MON2: variants seen among roughly 807,000 people sequenced by gnomAD.
MON2 encodes MON2 regulator of endosome-to-Golgi trafficking, also known as protein MON2 homolog.
A neutral mutation model predicts 208.6 loss-of-function variants in MON2; 84 were observed. The observed-to-expected ratio is 0.40, with a 90% CI of 0.34 to 0.48. MON2 has a LOEUF of 0.48. Among genes scored for constraint, MON2 ranks in the 20% least tolerant of loss-of-function variants. The pLI, the probability that MON2 is intolerant of heterozygous loss-of-function variation, is 0.59. For missense variants in MON2, 1,611 were observed against 2,015.4 expected, an observed-to-expected ratio of 0.80 and a Z score of 3.84; for synonymous variants, 660 against 694.0, an observed-to-expected ratio of 0.95 and a Z score of 0.77.
chr12:62,539,077 C>A (rs1021065850), intron 19 of MON2, among the ~76,000 whole-genome samples: 2 of 152,080 alleles, frequency 1.3e-5, no homozygotes, highest in Non-Finnish European at 2.9e-5. Context: ...TTGGAAAGCA[C>A]AGGAACAGTT....
chr12:62,539,939 A>G (rs893600405), intron 19 of MON2, among the ~76,000 whole-genome samples: 1 of 152,086 alleles, frequency 6.6e-6, no homozygotes, highest in African/African-American at 2.4e-5. Context: ...ACTGCGCTCC[A>G]GCCTGGGCGA....
intron 4 of MON2, among the ~76,000 whole-genome samples, chr12:62,498,586 C>G (rs1378713963): frequency 6.6e-6 from 1 of 152,120 alleles, no homozygotes; most frequent in Non-Finnish European, 1.5e-5. Context: ...AATCACATAG[C>G]TTCTCCAGAT....
At chr12:62,588,993 A>G (rs2075307913) in intron 34 of MON2, 1 of 900,834 alleles carries the variant, frequency 1.1e-6, no homozygotes, top group Non-Finnish European at 1.6e-6. Flanking sequence ...TTGTATTACA[A>G]TTATGCATGT....
chr12:62,487,123 A>G (rs1390528881), intron 2 of MON2, among the ~76,000 whole-genome samples: 1 of 152,132 alleles, frequency 6.6e-6, no homozygotes, highest in Non-Finnish European at 1.5e-5. Flanking sequence ...TATGCCAGGT[A>G]ATGTCAGCAT....
intron 25 of MON2, 27 bp downstream of exon 25, chr12:62,556,219 A>G (rs1205759579): frequency 1.3e-6 from 2 of 1,598,482 alleles, no homozygotes; most frequent in Non-Finnish European, 8.5e-7. Context: ...TTCTGATTAT[A>G]CAAGTAATTA....
At chr12:62,526,449 T>C (rs2072332551) in intron 11 of MON2, among the ~76,000 whole-genome samples, 1 of 151,830 alleles carries the variant, frequency 6.6e-6, no homozygotes, top group African/African-American at 2.4e-5. Flanking sequence ...CAAATTAATC[T>C]TTTTTTCTTT....
chr12:62,541,848 TTAAAA>T (rs1410495611), intron 19 of MON2, among the ~76,000 whole-genome samples: 4 of 152,156 alleles, frequency 2.6e-5, no homozygotes, highest in African/African-American at 9.7e-5. Flanking sequence ...TATATCCTAG[TTAAAA>T]TAAGTAAGAG....
intron 1 of MON2, among the ~76,000 whole-genome samples, chr12:62,474,010 C>A (rs2068933659): frequency 6.6e-6 from 1 of 152,136 alleles, no homozygotes; most frequent in Non-Finnish European, 1.5e-5. Context: ...CTACTTCAGT[C>A]ATTTGCTCTC....
chr12:62,561,635 A>G (rs1274773007), intron 26 of MON2, among the ~76,000 whole-genome samples: 1 of 152,182 alleles, frequency 6.6e-6, no homozygotes, highest in Non-Finnish European at 1.5e-5. Context: ...AAACAGATCT[A>G]AAATTATGGA....
In MON2 at chr12:62,593,020, G is replaced by A. The variant is rs2075443449; in HGVS notation, c.*271G>A. 3.9e-6 allele frequency: 1 copy of A among 259,582 alleles called. No individual in the cohort carries two copies. The highest frequency in any genetic ancestry group is 7.4e-6 in the Non-Finnish European group (1 of 135,450). 16.1% of individuals were successfully genotyped at this position (259,582 alleles called of 1,614,324 possible). ...CAGTATACATGCTACCATATCTCCA[G>A]TTGGTGATTTAAAGTGAGCTTATGT... On this transcript the variant is annotated 3_prime_UTR_variant, in exon 35 of 35. Coordinates refer to ENST00000393630, the MANE Select transcript of MON2 (RefSeq NM_015026.3).
chr12:62,575,117 C>A (rs1176405977), intron 30 of MON2, among the ~76,000 whole-genome samples: 3 of 152,120 alleles, frequency 2.0e-5, no homozygotes, highest in African/African-American at 7.2e-5. Flanking sequence ...CAGAGTGAGA[C>A]CCTGTCTCAA....
intron 7 of MON2, among the ~76,000 whole-genome samples, chr12:62,502,624 T>G (rs2070901482): frequency 6.6e-6 from 1 of 152,210 alleles, no homozygotes; most frequent in African/African-American, 2.4e-5. Flanking sequence ...ACTTGTATAA[T>G]ATTTAAAAGC....
intron 32 of MON2, among the ~76,000 whole-genome samples, chr12:62,582,246 G>A (rs2075031111): frequency 6.6e-6 from 1 of 152,182 alleles, no homozygotes; most frequent in African/African-American, 2.4e-5. Flanking sequence ...TTTACTGGCA[G>A]TTTTCTGATA....
chr12:62,558,004 C>G (rs1170831002), intron 25 of MON2, among the ~76,000 whole-genome samples: 1 of 78,472 alleles, frequency 1.3e-5, no homozygotes, highest in Non-Finnish European at 2.3e-5. Context: ...GATGGAGTCT[C>G]GTTCTTGTTG....
At position 62,575,748 on chromosome 12, in the gene MON2, A is replaced by G. The variant is rs540655703; in HGVS notation, c.4515-2697A>G. Among the ~76,000 whole-genome samples the G allele has an allele frequency of 7.2e-5, 11 of 152,352 alleles. No homozygotes were observed. The South Asian group carries it at 2.1e-3, about 29-fold the overall frequency. On this transcript the variant is annotated intron_variant, in intron 30 of 34. Coordinates refer to ENST00000393630, the MANE Select transcript of MON2 (RefSeq NM_015026.3). ...AAGCCTTTGCATGTCGTTGAGGGCT[A>G]TAAGTAAACAGTTTAAGAGAAAGAA...
At chr12:62,503,830 C>T (rs1403086294) in intron 7 of MON2, among the ~76,000 whole-genome samples, 1 of 152,072 alleles carries the variant, frequency 6.6e-6, no homozygotes, top group African/African-American at 2.4e-5. Context: ...GAGGGCTTTG[C>T]TCAATCGTCA....
chr12:62,503,070 A>G lies in MON2; in HGVS notation c.789+1372A>G, dbSNP rs187746772. ...TAATTTGTCCAGCACTCTTGTATAA[A>G]TAATAGTCATAGTAGCTGTCATTTC... On this transcript the variant is annotated intron_variant, in intron 7 of 34. Coordinates refer to ENST00000393630, the MANE Select transcript of MON2 (RefSeq NM_015026.3). Among the ~76,000 whole-genome samples the G allele has an allele frequency of 3.3e-5, 5 of 152,338 alleles. No homozygotes were observed. The East Asian group carries it at 5.8e-4, about 18-fold the overall frequency.
At chr12:62,495,689 CAAAAAAA>C (rs56155110) in intron 4 of MON2, among the ~76,000 whole-genome samples, 2 of 108,516 alleles carry the variant, frequency 1.8e-5, no homozygotes, top group African/African-American at 3.3e-5. Context: ...GACTCCGTCT[CAAAAAAA>C]AAAAAAAAAA....
At chr12:62,490,031 T>TC in intron 2 of MON2, 1 of 1,209,226 alleles carries the variant, frequency 8.3e-7, no homozygotes, top group Non-Finnish European at 1.1e-6. Flanking sequence ...ATTCTTTTTT[T>TC]CCAGGATAAA....
Sources: gnomAD v4.1 joint callset for allele counts (sites outside exome capture counted in the v4.1 genomes callset) on GRCh38, gnomAD v4.1.1 for gene constraint, MANE v1.5 for transcripts, NCBI Gene and HGNC (gene_info 2026-07-23, HGNC 2026-07-21) for gene names.